TCERG1: variants seen among roughly 807,000 people sequenced by gnomAD.
TCERG1 encodes the protein transcription elongation regulator 1.
A neutral mutation model predicts 144.7 loss-of-function variants in TCERG1; 37 were observed. That is an observed-to-expected ratio of 0.26 (90% CI 0.20 to 0.34). The LOEUF (loss-of-function observed/expected upper bound fraction) is 0.34, where lower values mean the gene tolerates loss of function less well. Among genes scored for constraint, TCERG1 ranks in the 10% least tolerant of loss-of-function variants. The pLI, the probability that TCERG1 is intolerant of heterozygous loss-of-function variation, is 1.00. For missense variants in TCERG1, 1,027 were observed against 1,380.7 expected, an observed-to-expected ratio of 0.74 and a Z score of 4.06; for synonymous variants, 492 against 458.2, an observed-to-expected ratio of 1.07 and a Z score of -0.94.
At chr5:146,472,250 A>C (rs545685181) in intron 9 of TCERG1, among the ~76,000 whole-genome samples, 2 of 152,304 alleles carry the variant, frequency 1.3e-5, no homozygotes, top group East Asian at 3.9e-4. Context: ...ACCTCATTTT[A>C]TAGTGCTCCA....
chr5:146,473,855 C>T (rs1338444575), intron 9 of TCERG1, among the ~76,000 whole-genome samples: 1 of 152,116 alleles, frequency 6.6e-6, no homozygotes, highest in African/African-American at 2.4e-5. Context: ...ACCTCTTCAC[C>T]CAAGAGCTGT....
intron 15 of TCERG1, among the ~76,000 whole-genome samples, chr5:146,488,830 C>A (rs1422567592): frequency 6.6e-6 from 1 of 152,142 alleles, no homozygotes; most frequent in East Asian, 1.9e-4. Context: ...ACCTAGGTGT[C>A]CAACAACAGA....
intron 7 of TCERG1, among the ~76,000 whole-genome samples, chr5:146,470,119 C>T (rs1581438776): frequency 6.6e-6 from 1 of 152,104 alleles, no homozygotes; most frequent in South Asian, 2.1e-4. Context: ...CCCTTAGGGT[C>T]TTAGATGTAG....
At chr5:146,482,902 TTAAC>T (rs1487600663) in intron 14 of TCERG1, among the ~76,000 whole-genome samples, 175 bp downstream of exon 14, 3 of 152,210 alleles carry the variant, frequency 2.0e-5, no homozygotes, top group Non-Finnish European at 4.4e-5. Context: ...CTTATCATAT[TTAAC>T]TAAATGCCAT....
In TCERG1 at chr5:146,463,649, A is replaced by G; in HGVS notation, c.991A>G (p.Thr331Ala). 6.2e-7 allele frequency: 1 copy of G among 1,614,142 alleles called. No individual in the cohort carries two copies. The highest frequency in any genetic ancestry group is 2.2e-5 in the East Asian group (1 of 44,882). The change falls in exon 5 of 23, where the codon ACC becomes GCC. Residue 331 changes from threonine (T) to alanine (A), a missense_variant. Physicochemically the swap from Thr to Ala is moderately conservative, Grantham distance 58. Coordinates refer to ENST00000679501, the MANE Select transcript of TCERG1 (RefSeq NM_001382548.1). ...TGCTCCTACAGCCACACCTGTGCAAACCGTTCCCCAGCCGCACCCTCAGAC... is the reference window on the plus strand; with the variant it reads ...TGCTCCTACAGCCACACCTGTGCAAGCCGTTCCCCAGCCGCACCCTCAGAC... ...TPAPTATPVQTVPQPHPQTLP... is the reference protein window; with the variant it reads ...TPAPTATPVQAVPQPHPQTLP...
At chr5:146,492,722 T>G in intron 15 of TCERG1, 198 bp from the exon 16 acceptor site, 1 of 363,266 alleles carries the variant, frequency 2.8e-6, no homozygotes, top group Non-Finnish European at 5.0e-6. Flanking sequence ...TCTTGAAGCC[T>G]AAGTAGAGAG....
intron 9 of TCERG1, among the ~76,000 whole-genome samples, chr5:146,471,890 C>A (rs1390935382): frequency 6.6e-6 from 1 of 152,166 alleles, no homozygotes; most frequent in Non-Finnish European, 1.5e-5. Context: ...AGCCACCGTG[C>A]CCGGCCTCAA....
chr5:146,494,511 T>C (rs1033835268), intron 16 of TCERG1, among the ~76,000 whole-genome samples: 2 of 152,146 alleles, frequency 1.3e-5, no homozygotes, highest in Non-Finnish European at 2.9e-5. Context: ...GTGATCTGTA[T>C]TATGCAGGTT....
intron 19 of TCERG1, among the ~76,000 whole-genome samples, chr5:146,505,002 C>T (rs748733942): frequency 5.3e-5 from 8 of 151,328 alleles, no homozygotes; most frequent in Non-Finnish European, 1.0e-4. Flanking sequence ...GCCGAGATCG[C>T]GCCACTGCAC....
chr5:146,463,875 G>C (rs892099047), intron 5 of TCERG1, 82 bp downstream of exon 5: 2 of 1,569,278 alleles, frequency 1.3e-6, no homozygotes, highest in Non-Finnish European at 1.7e-6. Context: ...TGTTGCGTTT[G>C]AAATTTGCCT....
chr5:146,473,834 A>G (rs978734600), intron 9 of TCERG1, among the ~76,000 whole-genome samples: 1 of 152,186 alleles, frequency 6.6e-6, no homozygotes, highest in African/African-American at 2.4e-5. Context: ...ATTGCTGTTC[A>G]TTGACAAAGC....
At chr5:146,452,535 C>A (rs1218148025) in intron 1 of TCERG1, among the ~76,000 whole-genome samples, 1 of 152,142 alleles carries the variant, frequency 6.6e-6, no homozygotes, top group Non-Finnish European at 1.5e-5. Context: ...CAAGAGTGAA[C>A]ACAATTCCTA....
chr5:146,504,162 T>C, intron 19 of TCERG1, 156 bp downstream of exon 19: 1 of 741,740 alleles, frequency 1.3e-6, no homozygotes, highest in Non-Finnish European at 1.9e-6. Context: ...ATTAGTACTG[T>C]TAGTATAGGA....
chr5:146,456,508 G>A lies in TCERG1; in HGVS notation c.286-675G>A, dbSNP rs529523762. 1.0e-3 allele frequency among the ~76,000 whole-genome samples: 152 copies of A among 152,138 alleles called. 2 individuals carry two copies. Among genetic ancestry groups the A allele is most frequent in the Non-Finnish European group, 1.3e-3 (86 of 68,014 alleles). ...ATTTTCAGCCAAGGGCTCATGAAACGTATTTGGGATAGATATTTTATATAA... is the reference window on the plus strand; with the variant it reads ...ATTTTCAGCCAAGGGCTCATGAAACATATTTGGGATAGATATTTTATATAA... On this transcript the variant is annotated intron_variant, in intron 2 of 22. Coordinates refer to ENST00000679501, the MANE Select transcript of TCERG1 (RefSeq NM_001382548.1).
intron 16 of TCERG1, 108 bp from the exon 17 acceptor site, chr5:146,498,428 C>T: frequency 8.5e-7 from 1 of 1,171,520 alleles, no homozygotes; most frequent in Non-Finnish European, 1.2e-6. Flanking sequence ...TGTTGAGTCC[C>T]AGTGTCTCTT....
At chr5:146,501,295 A>G (rs1767422940) in intron 17 of TCERG1, among the ~76,000 whole-genome samples, 1 of 152,024 alleles carries the variant, frequency 6.6e-6, no homozygotes, top group South Asian at 2.1e-4. Context: ...GCTAATGGTA[A>G]ATGACATTTT....
chr5:146,503,169 T>C (rs955188042), intron 17 of TCERG1: 11 of 350,730 alleles, frequency 3.1e-5, no homozygotes, highest in Non-Finnish European at 1.0e-5. Context: ...TGAAAGCCTA[T>C]ATGCTTGTCG....
At chr5:146,459,476 A>G in intron 4 of TCERG1, 139 bp downstream of exon 4, 2 of 1,438,586 alleles carry the variant, frequency 1.4e-6, no homozygotes, top group East Asian at 4.7e-5. Context: ...TTGACACTAA[A>G]ACTTTTGGGT....
chr5:146,463,226 C>T (rs1169546376), intron 4 of TCERG1, among the ~76,000 whole-genome samples: 1 of 152,082 alleles, frequency 6.6e-6, no homozygotes, highest in African/African-American at 2.4e-5. Flanking sequence ...TCTTCTACCC[C>T]TTCCTGCTGT....
Sources: gnomAD v4.1 joint callset for allele counts (sites outside exome capture counted in the v4.1 genomes callset) on GRCh38, gnomAD v4.1.1 for gene constraint, MANE v1.5 for transcripts, NCBI Gene and HGNC (gene_info 2026-07-23, HGNC 2026-07-21) for gene names.